The following RNF213 variants were observed in gnomAD, a reference collection of about 807,000 sequenced individuals.
RNF213 encodes ring finger protein 213.
In RNF213, 341 loss-of-function variants were observed where a neutral mutation model predicts 514.4. That is an observed-to-expected ratio of 0.66 (90% confidence interval 0.61 to 0.73). RNF213 has a LOEUF of 0.73. Among genes scored for constraint, RNF213 ranks in the 30% least tolerant of loss-of-function variants. The pLI, the probability that RNF213 is intolerant of heterozygous loss-of-function variation, is 0.00. For synonymous variants in RNF213, 2,655 were observed against 2,658.2 expected (o/e 1.00, Z 0.04); for missense variants, 5,767 against 6,615.6 (o/e 0.87, Z 4.45).
intron 42 of RNF213, among the ~76,000 whole-genome samples, chr17:80,366,599 T>G (rs2079283045): frequency 6.6e-6 from 1 of 152,146 alleles, no homozygotes; most frequent in Admixed American, 6.6e-5. Context: ...ACAAAGTTAT[T>G]AGGATATTAA....
In RNF213 at chr17:80,288,224, C is replaced by T. The variant is rs771764682; in HGVS notation, c.671C>T (p.Pro224Leu). 1.9e-6 allele frequency: 3 copies of T among 1,613,134 alleles called. No homozygotes were observed. In the African/African-American group the frequency reaches 4.0e-5, roughly 22 times the overall value. ...RGLSQEGTGP[P>L]TSAGEGHSRT... is the part of the protein sequence containing the mutation. ...CTGTCCCAGGAGGGGACCGGTCCCC[C>T]CACCTCTGCTGGTGAAGGCCATTCT... The change falls in exon 4 of 68, where the codon CCC (proline) becomes CTC (leucine). Residue 224 changes from proline to leucine, a missense_variant. Around this residue, in one of 13 missense-constraint regions of RNF213, gnomAD observed 509 missense variants for 496.7 expected, o/e 1.02. Transcript: ENST00000582970. This position sits in a 1 kb window ranked among gnomAD's most constrained non-coding sequence, Gnocchi z 4.9.
At chr17:80,304,196 A>G (rs2045279503) in intron 11 of RNF213, among the ~76,000 whole-genome samples, 2 of 152,036 alleles carry the variant, frequency 1.3e-5, no homozygotes, top group Admixed American at 1.3e-4. Context: ...TATGTTTTTC[A>G]TAACTTCTGT....
chr17:80,380,147 TGAA>T (rs1310510230), intron 55 of RNF213, among the ~76,000 whole-genome samples: 6 of 152,170 alleles, frequency 3.9e-5, no homozygotes, highest in African/African-American at 1.4e-4. Context: ...TTGAGAAAAA[TGAA>T]GGAGACAGAC....
chr17:80,278,745 G>T, intron 3 of RNF213: 2 of 1,537,042 alleles, frequency 1.3e-6, no homozygotes, highest in Middle Eastern at 1.7e-4. Context: ...CCTGTCTGAA[G>T]GGGGTCGTGT....
intron 15 of RNF213, chr17:80,315,759 A>T (rs1270606552): frequency 5.0e-5 from 1 of 19,970 alleles, no homozygotes; most frequent in Non-Finnish European, 1.2e-4. Context: ...TGGAGGTGAC[A>T]GTGGTGATGC....
At position 80,279,221 on chromosome 17, in the gene RNF213, C is replaced by G. The variant is rs183710283; in HGVS notation, c.261+5817C>G. Among the ~76,000 whole-genome samples the G allele has an allele frequency of 1.5e-3, 224 of 152,346 alleles. 1 individual carries two copies. Among genetic ancestry groups the G allele is most frequent in the Admixed American group, 5.4e-3 (82 of 15,306 alleles). On this transcript the variant is annotated intron_variant, in intron 3 of 67. Coordinates refer to ENST00000582970, the MANE Select transcript of RNF213 (RefSeq NM_001256071.3). ...CCCTTGGACACCTGGAGAAACTTAA[C>G]CTGGCTGCACTCACCTGGCTAAAGC...
chr17:80,325,189 A>G lies in RNF213; in HGVS notation c.3184A>G (p.Arg1062Gly). The G allele has an allele frequency of 3.3e-6, 5 of 1,534,078 alleles. No homozygotes were observed. The highest frequency in any genetic ancestry group is 4.4e-6 in the Non-Finnish European group (5 of 1,144,378). ...LTLADVKHVF[R>G]LCGTDEKILA... is the part of the protein sequence containing the mutation. ...GTTGGCAGATGTCAAGCACGTCTTC[A>G]GATTGTGTGGTATGTTTGCGGGAGT... The change falls in exon 18 of 68, where the codon AGA becomes GGA. Residue 1062 changes from arginine to glycine, a missense_variant. Arg to Gly is a moderately radical substitution (Grantham distance 125, BLOSUM62 -2). Transcript: ENST00000582970.
At chr17:80,309,746 T>TTTTTTTG (rs571689016) in intron 14 of RNF213, among the ~76,000 whole-genome samples, 44 of 152,060 alleles carry the variant, frequency 2.9e-4, no homozygotes, top group African/African-American at 9.9e-4. Flanking sequence ...GGATCAGTTT[T>TTTTTTTG]TTTTTTGTTT....
Position 80,385,020 on chromosome 17 carries a change from G to A in RNF213, c.14323-19G>A, listed in dbSNP as rs753005354. The A allele has an allele frequency of 6.2e-6, 10 of 1,614,006 alleles. No individual in the cohort carries two copies. In the South Asian group the frequency reaches 1.1e-4, roughly 18 times the overall value. ...TTAGGTAAATAAAAATTGTTACTGG[G>A]TGGTCTTCCCTTCTCCAGGAAGCAG... On this transcript the variant is annotated intron_variant, in intron 59 of 67. Coordinates refer to ENST00000582970, the MANE Select transcript of RNF213 (RefSeq NM_001256071.3).
In RNF213 at chr17:80,374,459, G is replaced by A; in HGVS notation, c.12944G>A (p.Gly4315Glu). The A allele has an allele frequency of 6.2e-7, 1 of 1,614,136 alleles. No homozygotes were observed. The highest frequency in any genetic ancestry group is 8.5e-7 in the Non-Finnish European group (1 of 1,180,004). Reference protein sequence around the residue: ...VFPKDVVKQQGLRQDHPGQMD... With the variant: ...VFPKDVVKQQELRQDHPGQMD... ...CCCCAACTAACCTCTGTATTCCAGG[G>A]GCTGCGGCAGGACCACCCAGGCCAG... The change falls in exon 50 of 68, where the codon GGG becomes GAG. Residue 4315 changes from glycine (G) to glutamate (E), a missense_variant and splice_region_variant. Coordinates refer to ENST00000582970, the MANE Select transcript of RNF213 (RefSeq NM_001256071.3).
intron 8 of RNF213, among the ~76,000 whole-genome samples, chr17:80,293,092 C>G (rs951857897): frequency 4.6e-5 from 7 of 152,136 alleles, no homozygotes; most frequent in African/African-American, 1.7e-4. Flanking sequence ...GGATCTCGCT[C>G]TGTCACCCAA....
At chr17:80,328,506 G>A in intron 20 of RNF213, 29 bp downstream of exon 20, 1 of 1,536,880 alleles carries the variant, frequency 6.5e-7, no homozygotes, top group Non-Finnish European at 8.7e-7. Flanking sequence ...GAACAAAGTT[G>A]AGGGCTCTCA....
intron 42 of RNF213, among the ~76,000 whole-genome samples, chr17:80,366,360 C>G (rs868123256): frequency 6.6e-6 from 1 of 152,276 alleles, no homozygotes; most frequent in Middle Eastern, 3.4e-3. Context: ...CTTACATCCC[C>G]ACCAGCCAGG....
chr17:80,301,926 T>G (rs903968138), intron 11 of RNF213, among the ~76,000 whole-genome samples: 2 of 152,232 alleles, frequency 1.3e-5, no homozygotes, highest in African/African-American at 4.8e-5. Context: ...GTTGTCTATA[T>G]ACACAGTAGA....
At chr17:80,387,253 G>T (rs372286385) in intron 63 of RNF213, among the ~76,000 whole-genome samples, 1 of 152,242 alleles carries the variant, frequency 6.6e-6, no homozygotes, top group African/African-American at 2.4e-5. Context: ...TCACAAGTGT[G>T]CACCACCATG....
intron 3 of RNF213, among the ~76,000 whole-genome samples, chr17:80,273,773 C>T (rs1015835712): frequency 1.3e-5 from 2 of 152,082 alleles, no homozygotes; most frequent in Non-Finnish European, 2.9e-5. Context: ...GCATGCACCA[C>T]CACGACCAGC....
intron 9 of RNF213, among the ~76,000 whole-genome samples, chr17:80,295,300 G>A (rs1303921391): frequency 6.6e-6 from 1 of 152,200 alleles, no homozygotes. Flanking sequence ...CCACACTGCG[G>A]TGCAGCCTGG....
chr17:80,340,351 G>A lies in RNF213; in HGVS notation c.5984G>A (p.Gly1995Asp). 6.2e-7 allele frequency: 1 copy of A among 1,611,330 alleles called. No individual in the cohort carries two copies. The highest frequency in any genetic ancestry group is 8.5e-7 in the Non-Finnish European group (1 of 1,179,744). The change falls in exon 26 of 68, where the codon GGT (glycine) becomes GAT (aspartate). Residue 1995 changes from glycine to aspartate, a missense_variant. By Grantham distance (94) the Gly-to-Asp change is moderately conservative. This residue lies in a region of RNF213 where 1,377 missense variants were observed against 1,635.2 expected (regional missense o/e 0.84). Coordinates refer to ENST00000582970, the MANE Select transcript of RNF213 (RefSeq NM_001256071.3). The part of the protein sequence containing the change: ...CVGIVASERA[G>D]VGKSLYVKRL... ...GGGATCGTGGCCTCGGAGCGAGCAG[G>A]TGTTGGTAAGGAGAGCGGCAGGGTG...
chr17:80,270,721 G>T (rs2043793295), intron 2 of RNF213, among the ~76,000 whole-genome samples: 1 of 152,086 alleles, frequency 6.6e-6, no homozygotes, highest in Non-Finnish European at 1.5e-5. Flanking sequence ...ATGATTGTTG[G>T]GACTGTTTAT....
Sources: allele counts gnomAD v4.1 joint callset (sites outside exome capture counted in the v4.1 genomes callset), GRCh38; gene constraint gnomAD v4.1.1; regional missense constraint gnomAD v4.1.1; non-coding constraint Gnocchi (gnomAD v3.1); transcripts MANE v1.5; gene names NCBI Gene and HGNC (gene_info 2026-07-23, HGNC 2026-07-21).